SYBU: variants seen among roughly 807,000 people sequenced by gnomAD.
SYBU encodes the protein syntabulin, also known as GOLSYN A protein.
SYBU carries 21 observed loss-of-function variants against 35.9 expected under a neutral mutation model. That is an observed-to-expected ratio of 0.58 (90% CI 0.41 to 0.84). The LOEUF (loss-of-function observed/expected upper bound fraction) is 0.84, where lower values mean the gene tolerates loss of function less well. SYBU is among the 40% of genes least tolerant of loss of function. The pLI is 0.00. For synonymous variants in SYBU, 319 were observed against 324.3 expected (o/e 0.98, Z 0.18); for missense variants, 768 against 848.2 (o/e 0.91, Z 1.17).
At chr8:109,631,199 G>A (rs1487698875) in intron 2 of SYBU, among the ~76,000 whole-genome samples, 1 of 152,174 alleles carries the variant, frequency 6.6e-6, no homozygotes, top group Non-Finnish European at 1.5e-5. Flanking sequence ...GAAGGTAGTT[G>A]TAAAGAAGGA....
At chr8:109,607,603 A>T (rs1239493315) in intron 3 of SYBU, among the ~76,000 whole-genome samples, 2 of 152,218 alleles carry the variant, frequency 1.3e-5, no homozygotes, top group African/African-American at 4.8e-5. Context: ...AGCATTCTAA[A>T]TATAATTGCC....
At chr8:109,643,151 A>T in intron 1 of SYBU, 1 of 456,198 alleles carries the variant, frequency 2.2e-6, no homozygotes, top group Non-Finnish European at 2.9e-6. Context: ...TGTGTGGCAC[A>T]CACACACACA....
chr8:109,617,884 C>T (rs1010662131), intron 3 of SYBU, among the ~76,000 whole-genome samples: 6 of 152,184 alleles, frequency 3.9e-5, no homozygotes, highest in Admixed American at 6.5e-5. Flanking sequence ...GTATTGTGTA[C>T]ATCAGTGACT....
chr8:109,580,111 G>T (rs1011522599), intron 4 of SYBU, 109 bp from the exon 5 acceptor site: 4 of 1,023,942 alleles, frequency 3.9e-6, no homozygotes, highest in Non-Finnish European at 5.9e-6. Context: ...GTTGAAAGGC[G>T]CAATACAATT....
upstream of SYBU, chr8:109,645,649 G>GTTTTTTTTTTTTTTTTTTT (rs1815616519): frequency 3.9e-6 from 1 of 256,744 alleles, no homozygotes; most frequent in African/African-American, 4.0e-5. Flanking sequence ...TTTTTTTTCC[G>GTTTTTTTTTTTTTTTTTTT]TTGCTGTTGA....
At chr8:109,666,634 G>T (rs778891680) in intron 1 of SYBU, among the ~76,000 whole-genome samples, 30 of 152,062 alleles carry the variant, frequency 2.0e-4, no homozygotes, top group Admixed American at 3.3e-4. Context: ...CTTGCTATTT[G>T]GGAGACCAAG....
chr8:109,663,626 T>C (rs1293839083), intron 1 of SYBU, among the ~76,000 whole-genome samples: 2 of 152,180 alleles, frequency 1.3e-5, no homozygotes, highest in Non-Finnish European at 2.9e-5. Context: ...ATATTTCTGG[T>C]GGTACTTTAT....
At chr8:109,658,596 C>A (rs1816443367) in intron 1 of SYBU, among the ~76,000 whole-genome samples, 1 of 152,160 alleles carries the variant, frequency 6.6e-6, no homozygotes, top group African/African-American at 2.4e-5. Flanking sequence ...GGGGCCAATG[C>A]TCTCATCCAT....
Position 109,594,265 on chromosome 8 carries a change from A to C in SYBU, c.428-8103T>G, listed in dbSNP as rs558107560. On this transcript the variant is annotated intron_variant, in intron 3 of 6. Coordinates refer to ENST00000276646, the MANE Select transcript of SYBU (RefSeq NM_001099754.2). ...AATGGGGAGTGAGACACCAGGAAAGACAGAAGGTCAGGACAGGGCTAGGAT... is the reference window on the plus strand; with the variant it reads ...AATGGGGAGTGAGACACCAGGAAAGCCAGAAGGTCAGGACAGGGCTAGGAT... Among the ~76,000 whole-genome samples, 4 of 152,268 alleles carry C rather than the reference A, an allele frequency of 2.6e-5. No homozygotes were observed. In the East Asian group the frequency reaches 7.7e-4, roughly 29 times the overall value.
At chr8:109,591,803 C>T (rs997841340) in intron 3 of SYBU, among the ~76,000 whole-genome samples, 3 of 151,900 alleles carry the variant, frequency 2.0e-5, no homozygotes, top group South Asian at 4.2e-4. Context: ...TGAGCCACCG[C>T]GCCCGGCCAA....
At chr8:109,630,167 G>T (rs180955970) in intron 2 of SYBU, among the ~76,000 whole-genome samples, 2 of 150,004 alleles carry the variant, frequency 1.3e-5, no homozygotes, top group Non-Finnish European at 3.0e-5. Flanking sequence ...GGAAACTATC[G>T]CAAGAACAAA....
chr8:109,614,345 T>C (rs1385944450), intron 3 of SYBU, among the ~76,000 whole-genome samples: 1 of 152,258 alleles, frequency 6.6e-6, no homozygotes, highest in African/African-American at 2.4e-5. Flanking sequence ...AGGTAGGTCT[T>C]TCATTTCTGG....
At chr8:109,592,902 A>C (rs1824445009) in intron 3 of SYBU, among the ~76,000 whole-genome samples, 1 of 152,244 alleles carries the variant, frequency 6.6e-6, no homozygotes, top group African/African-American at 2.4e-5. Context: ...TTTTAAGTGC[A>C]AAGATAATGA....
At chr8:109,669,440 T>A (rs1041869214) in intron 1 of SYBU, among the ~76,000 whole-genome samples, 1 of 151,656 alleles carries the variant, frequency 6.6e-6, no homozygotes, top group Non-Finnish European at 1.5e-5. Flanking sequence ...CTGAATAGAT[T>A]ACATGTATGA....
In SYBU at chr8:109,574,082, T is replaced by C. The variant is rs1243096461; in HGVS notation, c.*824A>G. ...ACTAACTCTTTTTCCCTCTTCCTAATTTAATTCAATTTTTACAGACCCCCT... is the reference window on the plus strand; with the variant it reads ...ACTAACTCTTTTTCCCTCTTCCTAACTTAATTCAATTTTTACAGACCCCCT... On this transcript the variant is annotated 3_prime_UTR_variant, in exon 7 of 7. Transcript: ENST00000276646. 1 of 152,238 alleles carries C rather than the reference T, an allele frequency of 6.6e-6. No homozygotes were observed. The highest frequency in any genetic ancestry group is 1.5e-5 in the Non-Finnish European group (1 of 68,038). The allele number at this position is 152,238 out of a possible 1,614,324, so 9.4% of individuals were successfully genotyped here.
chr8:109,585,230 T>C (rs899964906), intron 4 of SYBU, among the ~76,000 whole-genome samples: 2 of 152,196 alleles, frequency 1.3e-5, no homozygotes, highest in African/African-American at 4.8e-5. Context: ...GGGCTTACAG[T>C]CCCTCCCACT....
chr8:109,607,826 A>ACACACACACC, intron 3 of SYBU: 1 of 708,890 alleles, frequency 1.4e-6, no homozygotes, highest in Non-Finnish European at 2.4e-6. Flanking sequence ...ACACACACAC[A>ACACACACACC]CACACACACA....
intron 2 of SYBU, among the ~76,000 whole-genome samples, chr8:109,636,567 G>C (rs895898186): frequency 1.1e-4 from 17 of 152,160 alleles, no homozygotes; most frequent in African/African-American, 3.6e-4. Context: ...GCTTGCAAAA[G>C]GCTGAATGTC....
At chr8:109,614,491 TC>T (rs1352751508) in intron 3 of SYBU, among the ~76,000 whole-genome samples, 1 of 152,210 alleles carries the variant, frequency 6.6e-6, no homozygotes, top group Non-Finnish European at 1.5e-5. Context: ...TGTACCACAG[TC>T]CAAACTTATC....
Sources: gnomAD v4.1 joint callset for allele counts (sites outside exome capture counted in the v4.1 genomes callset) on GRCh38, gnomAD v4.1.1 for gene constraint, MANE v1.5 for transcripts, NCBI Gene and HGNC (gene_info 2026-07-23, HGNC 2026-07-21) for gene names.